Variants in KALRN observed in about 807,000 individuals in gnomAD.
The protein encoded by KALRN is kalirin RhoGEF kinase.
In KALRN, 70 loss-of-function variants were observed where a neutral mutation model predicts 353.7. The ratio of observed to expected loss-of-function variants is 0.20; its 90% CI spans 0.16 to 0.24. The LOEUF (loss-of-function observed/expected upper bound fraction) is 0.24. Ranked by LOEUF, KALRN falls within the 10% of genes least tolerant of loss-of-function variation. KALRN has a pLI of 1.00. For synonymous variants in KALRN, 1,391 were observed against 1,434.8 expected, an observed-to-expected ratio of 0.97 and a Z score of 0.69; for missense variants, 2,791 against 3,756.7, an observed-to-expected ratio of 0.74 and a Z score of 6.72.
At chr3:124,076,299 T>G (rs1049922914) in intron 1 of KALRN, among the ~76,000 whole-genome samples, 1 of 152,222 alleles carries the variant, frequency 6.6e-6, no homozygotes, top group African/African-American at 2.4e-5. Context: ...AAGCTTCTGC[T>G]GATCAGGATC....
intron 1 of KALRN, among the ~76,000 whole-genome samples, chr3:124,146,951 A>G (rs1170945545): frequency 2.0e-5 from 3 of 151,820 alleles, no homozygotes; most frequent in African/African-American, 4.8e-5. Flanking sequence ...GAACTTATCC[A>G]TGAGTGAGGC....
intron 6 of KALRN, among the ~76,000 whole-genome samples, chr3:124,322,824 A>T (rs1461323703): frequency 1.3e-5 from 2 of 152,156 alleles, no homozygotes; most frequent in African/African-American, 4.8e-5. Flanking sequence ...GTACCTAGGG[A>T]CAACTGCAGT....
chr3:124,151,635 A>G (rs866868557), intron 1 of KALRN, among the ~76,000 whole-genome samples: 1 of 151,004 alleles, frequency 6.6e-6, no homozygotes, highest in African/African-American at 2.4e-5. Flanking sequence ...ATTTTCTTCC[A>G]GTCTGTGTCT....
chr3:124,143,930 A>G (rs539933551), intron 1 of KALRN, among the ~76,000 whole-genome samples: 1 of 152,356 alleles, frequency 6.6e-6, no homozygotes, highest in South Asian at 2.1e-4. Context: ...ATTGGAAGCT[A>G]TTAGATGGGC....
intron 34 of KALRN, among the ~76,000 whole-genome samples, chr3:124,597,414 G>A (rs568270519): frequency 1.3e-5 from 2 of 152,336 alleles, no homozygotes; most frequent in African/African-American, 4.8e-5. Flanking sequence ...CAGATTGCTG[G>A]CTAAAATAAT....
chr3:124,390,764 A>C (rs2089243397), intron 11 of KALRN, among the ~76,000 whole-genome samples: 1 of 152,206 alleles, frequency 6.6e-6, no homozygotes, highest in African/African-American at 2.4e-5. Context: ...GCCAATCAGC[A>C]GGAGAAAGTG....
chr3:124,245,607 A>C (rs1268921053), intron 3 of KALRN, among the ~76,000 whole-genome samples: 1 of 151,618 alleles, frequency 6.6e-6, no homozygotes, highest in African/African-American at 2.4e-5. Flanking sequence ...TCCCACCAAC[A>C]GTGTATGAGT....
intron 6 of KALRN, among the ~76,000 whole-genome samples, chr3:124,312,099 A>G (rs1207850343): frequency 6.6e-6 from 1 of 152,224 alleles, no homozygotes; most frequent in African/African-American, 2.4e-5. Flanking sequence ...ACATATCTAT[A>G]TACTAAATAC....
At chr3:124,648,498 G>A (rs1310926473) in intron 37 of KALRN, among the ~76,000 whole-genome samples, 1 of 152,232 alleles carries the variant, frequency 6.6e-6, no homozygotes, top group East Asian at 1.9e-4. Context: ...CCCTGGGAAG[G>A]GGTAGGAGCA....
rs111936276 is a variant in KALRN, at chr3:124,605,992, C to T, written c.5183-26428C>T. 5.2e-3 allele frequency among the ~76,000 whole-genome samples: 792 copies of T among 152,294 alleles called. 9 individuals are homozygous for T. The highest frequency in any genetic ancestry group is 0.018 in the African/African-American group (749 of 41,564). On this transcript the variant is annotated intron_variant, in intron 34 of 59. Coordinates refer to ENST00000682506, the MANE Select transcript of KALRN (RefSeq NM_001388419.1). ...GAGGGAGGCTTGATTGGAAAACCTA[C>T]TTCTGATTAACCACCAACTTCACCC...
intron 1 of KALRN, among the ~76,000 whole-genome samples, chr3:124,211,029 T>TGTG (rs2076855778): frequency 6.6e-6 from 1 of 152,228 alleles, no homozygotes; most frequent in African/African-American, 2.4e-5. Flanking sequence ...TTTCAGGAGC[T>TGTG]GACAGCATGT....
At chr3:124,697,999 G>A (rs1057473979) in intron 55 of KALRN, among the ~76,000 whole-genome samples, 1 of 151,850 alleles carries the variant, frequency 6.6e-6, no homozygotes, top group Non-Finnish European at 1.5e-5. Flanking sequence ...GACAGGGTTT[G>A]GCTCCATCAA....
intron 1 of KALRN, among the ~76,000 whole-genome samples, chr3:124,187,234 C>A (rs1224668010): frequency 6.6e-6 from 1 of 152,128 alleles, no homozygotes; most frequent in Non-Finnish European, 1.5e-5. Context: ...GTGCCCACCA[C>A]CACGCCCAGC....
At chr3:124,182,400 C>G (rs1248717247) in intron 1 of KALRN, among the ~76,000 whole-genome samples, 1 of 152,166 alleles carries the variant, frequency 6.6e-6, no homozygotes, top group Non-Finnish European at 1.5e-5. Flanking sequence ...GTTGGCAGTT[C>G]CTCAAGGGTT....
intron 25 of KALRN, among the ~76,000 whole-genome samples, chr3:124,463,458 G>A (rs568496336): frequency 3.3e-4 from 50 of 152,288 alleles, no homozygotes; most frequent in African/African-American, 1.1e-3. Flanking sequence ...CCTGAGGCAA[G>A]ACTCCAGAAT....
At chr3:124,433,613 A>AG (rs1395435921) in intron 16 of KALRN, among the ~76,000 whole-genome samples, 3 of 150,806 alleles carry the variant, frequency 2.0e-5, no homozygotes, top group Non-Finnish European at 4.4e-5. Flanking sequence ...AAAAAAAAAA[A>AG]AAAGGAAAGA....
chr3:124,354,157 G>A (rs1256369010), intron 10 of KALRN, among the ~76,000 whole-genome samples: 3 of 152,204 alleles, frequency 2.0e-5, no homozygotes, highest in African/African-American at 7.2e-5. Context: ...ACCCACATTT[G>A]CTGCTTCCTT....
At chr3:124,396,939 G>A (rs138714588) in intron 12 of KALRN, among the ~76,000 whole-genome samples, 307 of 152,310 alleles carry the variant, frequency 2.0e-3, no homozygotes, top group Non-Finnish European at 3.6e-3. Flanking sequence ...GAAGTAAATG[G>A]TGCTTAGTGG....
intron 3 of KALRN, among the ~76,000 whole-genome samples, chr3:124,256,436 T>C (rs983325835): frequency 1.3e-5 from 2 of 152,200 alleles, no homozygotes; most frequent in Non-Finnish European, 2.9e-5. Flanking sequence ...ACTGGTTGTG[T>C]AAGTTTGTAA....
Sources: allele counts gnomAD v4.1 joint callset (sites outside exome capture counted in the v4.1 genomes callset), GRCh38; gene constraint gnomAD v4.1.1; transcripts MANE v1.5; gene names NCBI Gene and HGNC (gene_info 2026-07-23, HGNC 2026-07-21).